Variants in GABRP observed in about 807,000 individuals in gnomAD.
The protein encoded by GABRP is gamma-aminobutyric acid receptor subunit pi.
In GABRP, 52 loss-of-function variants were observed where a neutral mutation model predicts 47.8. The ratio of observed to expected loss-of-function variants is 1.09; its 90% CI spans 0.87 to 1.37. GABRP has a LOEUF of 1.37. GABRP is among the 40% of genes most tolerant of loss of function. The probability of loss-of-function intolerance (pLI) is 0.00; values close to 1 mark genes in which losing one functional copy is unlikely to be tolerated. For missense variants in GABRP, 525 were observed against 542.8 expected, an observed-to-expected ratio of 0.97 and a Z score of 0.33; for synonymous variants, 221 against 205.8, an observed-to-expected ratio of 1.07 and a Z score of -0.63.
At position 170,788,652 on chromosome 5, in the gene GABRP, AG is replaced by A; in HGVS notation, c.38del (p.Ser13IlefsTer51). On this transcript the variant is annotated frameshift_variant, in exon 2 of 10. Coordinates refer to ENST00000265294, the MANE Select transcript of GABRP (RefSeq NM_014211.3). LOFTEE classifies it high-confidence loss of function. ...CCTCCACTTGGCCTTCGTGTGTCTG[AG>A]TCTCTTCACTGAGAGGTGAGCTTTG... ...YSLHLAFVCL[S>X]LFTERMCIQG... The A allele has an allele frequency of 6.2e-7, 1 of 1,614,012 alleles. No individual in the cohort carries two copies. The highest frequency in any genetic ancestry group is 8.5e-7 in the Non-Finnish European group (1 of 1,179,984).
At chr5:170,805,662 C>G (rs1041176500) in intron 6 of GABRP, 54 bp from the exon 7 acceptor site, 14 of 1,599,446 alleles carry the variant, frequency 8.8e-6, no homozygotes, top group Non-Finnish European at 1.2e-5. Flanking sequence ...CCAGACCAGA[C>G]CAGTTCAATC....
chr5:170,788,612 C>T lies in GABRP; in HGVS notation c.-4C>T. 6.2e-7 allele frequency: 1 copy of T among 1,614,136 alleles called. No individual in the cohort carries two copies. The highest frequency in any genetic ancestry group is 8.5e-7 in the Non-Finnish European group (1 of 1,180,004). ...CAGCCCCTTGGTGTGAGCAGCTTCT[C>T]AACATGAACTACAGCCTCCACTTGG... On this transcript the variant is annotated 5_prime_UTR_variant, in exon 2 of 10. Coordinates refer to ENST00000265294, the MANE Select transcript of GABRP (RefSeq NM_014211.3).
chr5:170,783,564 A>C (rs1445203536), upstream of GABRP: 2 of 151,380 alleles, frequency 1.3e-5, no homozygotes, highest in African/African-American at 4.8e-5. Flanking sequence ...TGGAGGCAGT[A>C]GCTATAGCAG....
At chr5:170,784,018 C>G (rs1395228439) in intron 1 of GABRP, 144 bp downstream of exon 1, 2 of 152,362 alleles carry the variant, frequency 1.3e-5, no homozygotes, top group African/African-American at 2.4e-5. Flanking sequence ...CACTGCAGGA[C>G]GAGCAGCAGA....
rs1487829052 is a variant in GABRP at position 170,795,433 on chromosome 5, G to A, written c.458+8G>A. Reference sequence around the variant, plus strand: ...GGTCCTGTATGCCCTCAGGTACGCGGACACCTGTGACCTCAGGGGTGGAGG... The same window carrying A: ...GGTCCTGTATGCCCTCAGGTACGCGAACACCTGTGACCTCAGGGGTGGAGG... On this transcript the variant is annotated splice_region_variant and intron_variant, in intron 5 of 9. Transcript: ENST00000265294. 6.2e-7 allele frequency: 1 copy of A among 1,610,728 alleles called. No individual in the cohort carries two copies. The highest frequency in any genetic ancestry group is 2.2e-5 in the East Asian group (1 of 44,836).
At chr5:170,810,264 A>G (rs768429957) in intron 9 of GABRP, among the ~76,000 whole-genome samples, 3 of 150,778 alleles carry the variant, frequency 2.0e-5, no homozygotes, top group Non-Finnish European at 4.4e-5. Context: ...ATGGAACACT[A>G]TAGTCCAGCT....
At chr5:170,802,384 G>A (rs994480901) in intron 6 of GABRP, among the ~76,000 whole-genome samples, 1 of 152,110 alleles carries the variant, frequency 6.6e-6, no homozygotes, top group Admixed American at 6.6e-5. Context: ...TCACAAGTGG[G>A]CAACATCTGA....
chr5:170,795,418 G>T lies in GABRP; in HGVS notation c.451G>T (p.Ala151Ser). ...CTTCTCCAATGGCACGGTCCTGTATGCCCTCAGGTACGCGGACACCTGTGA... is the reference window on the plus strand; with the variant it reads ...CTTCTCCAATGGCACGGTCCTGTATTCCCTCAGGTACGCGGACACCTGTGA... ...RLFSNGTVLYALRITTTVACN... is the reference protein window; with the variant it reads ...RLFSNGTVLYSLRITTTVACN... The change falls in exon 5 of 10, where the codon GCC becomes TCC. Residue 151 changes from alanine (A) to serine (S), a missense_variant. Coordinates refer to ENST00000265294, the MANE Select transcript of GABRP (RefSeq NM_014211.3). The T allele has an allele frequency of 6.2e-7, 1 of 1,613,852 alleles. No individual in the cohort carries two copies. The highest frequency in any genetic ancestry group is 1.1e-5 in the South Asian group (1 of 91,068).
At position 170,802,740 on chromosome 5, in the gene GABRP, T is replaced by G. The variant is rs79093370; in HGVS notation, c.542-2976T>G. 2.1e-3 allele frequency among the ~76,000 whole-genome samples: 306 copies of G among 146,152 alleles called. 2 individuals are homozygous for G. The highest frequency in any genetic ancestry group is 0.011 in the South Asian group (45 of 3,992). On this transcript the variant is annotated intron_variant, in intron 6 of 9. Transcript: ENST00000265294. ...TCTGTTTCACATATACCATCCCCAG[T>G]GAGCGGAGGGAGCTTTCTCTGTTCA... is the stretch of plus-strand genomic sequence containing the variant.
chr5:170,801,660 T>C (rs150589198), intron 6 of GABRP, among the ~76,000 whole-genome samples: 1 of 152,320 alleles, frequency 6.6e-6, no homozygotes, highest in East Asian at 1.9e-4. Flanking sequence ...TTGGGTTCCA[T>C]CTGTCTATCC....
intron 5 of GABRP, 144 bp downstream of exon 5, chr5:170,795,569 G>A (rs554262145): frequency 1.5e-6 from 1 of 669,538 alleles, no homozygotes; most frequent in African/African-American, 1.8e-5. Context: ...ATAATAGAAG[G>A]TCCCTCTCTC....
At position 170,795,372 on chromosome 5, in the gene GABRP, G is replaced by T; in HGVS notation, c.405G>T (p.Val135=). The T allele has an allele frequency of 1.2e-6, 2 of 1,614,102 alleles. No individual in the cohort carries two copies. The highest frequency in any genetic ancestry group is 1.7e-6 in the Non-Finnish European group (2 of 1,180,018). The change falls in exon 5 of 10, where the codon GTG becomes GTT. Residue 135 remains valine (V), a synonymous_variant. Transcript: ENST00000265294. ...SKKSFLHEVT[V]GNRLIRLFSN... is the part of the protein sequence containing the mutation. ...AGTCCTTCCTCCATGAAGTCACTGT[G>T]GGAAACAGGCTCATCCGCCTCTTCT...
intron 2 of GABRP, among the ~76,000 whole-genome samples, 200 bp downstream of exon 2, chr5:170,788,868 T>A (rs1186909635): frequency 6.6e-6 from 1 of 152,214 alleles, no homozygotes; most frequent in Non-Finnish European, 1.5e-5. Context: ...CATAGATGAA[T>A]GAACCCTTAT....
intron 3 of GABRP, among the ~76,000 whole-genome samples, chr5:170,792,885 A>G (rs1765313656): frequency 6.6e-6 from 1 of 152,140 alleles, no homozygotes; most frequent in Non-Finnish European, 1.5e-5. Context: ...CAGTCCCCTG[A>G]GGTACCCCCG....
intron 9 of GABRP, 33 bp downstream of exon 9, chr5:170,809,788 T>C (rs1351814779): frequency 6.4e-7 from 1 of 1,556,740 alleles, no homozygotes; most frequent in African/African-American, 1.4e-5. Flanking sequence ...GTATGATCCA[T>C]CACTGGTGCC....
chr5:170,809,461 T>C lies in GABRP; in HGVS notation c.833-107T>C, dbSNP rs1765824291. On this transcript the variant is annotated intron_variant, in intron 8 of 9. Transcript: ENST00000265294. Reference sequence around the variant, plus strand: ...TTCAAAATGAGATGCATTCCATTTCTGGGTCTTGCCCTCACCCTGCCAATT... The same window carrying C: ...TTCAAAATGAGATGCATTCCATTTCCGGGTCTTGCCCTCACCCTGCCAATT... 3.9e-6 allele frequency: 4 copies of C among 1,021,596 alleles called. No individual in the cohort carries two copies. The African/African-American group carries it at 4.8e-5, about 12-fold the overall frequency. 63.3% of individuals were successfully genotyped at this position (1,021,596 alleles called of 1,614,324 possible). A position where few individuals can be genotyped will look rare whatever the true frequency, so the allele number is the denominator to read the frequency against.
chr5:170,809,541 A>G, intron 8 of GABRP, 27 bp from the exon 9 acceptor site: 2 of 1,611,298 alleles, frequency 1.2e-6, no homozygotes, highest in South Asian at 2.2e-5. Context: ...GTCACTTTGT[A>G]GGAACATCCC....
chr5:170,792,450 A>AGAAAG lies in GABRP; in HGVS notation c.173-1781_173-1780insGAAAG, dbSNP rs201726778. On this transcript the variant is annotated intron_variant, in intron 3 of 9. Coordinates refer to ENST00000265294, the MANE Select transcript of GABRP (RefSeq NM_014211.3). ...AGAGGGAGACTCCATCTCAAAAAAA[A>AGAAAG]AAAGAAAGAAAGAAAGACAGAAAAA... is the stretch of plus-strand genomic sequence containing the variant. Among the ~76,000 whole-genome samples the AGAAAG allele has an allele frequency of 5.9e-5, 9 of 151,412 alleles. No individual in the cohort carries two copies. The South Asian group carries it at 1.7e-3, about 28-fold the overall frequency.
In GABRP at chr5:170,797,477, C is replaced by T; in HGVS notation, c.470C>T (p.Thr157Ile). 6.2e-7 allele frequency: 1 copy of T among 1,609,188 alleles called. No homozygotes were observed. Among genetic ancestry groups the T allele is most frequent in the Non-Finnish European group, 8.5e-7 (1 of 1,175,522 alleles). ...TVLYALRITT[T>I]VACNMDLSKY... ...TTTTTCCCTCTTAGAATCACGACAA[C>T]TGTTGCATGTAACATGGATCTGTCT... Residue 157 changes from threonine to isoleucine, a missense_variant, in exon 6 of 10, where the codon ACT becomes ATT. Transcript: ENST00000265294.
Sources: gnomAD v4.1 joint callset for allele counts (sites outside exome capture counted in the v4.1 genomes callset) on GRCh38, gnomAD v4.1.1 for gene constraint, MANE v1.5 for transcripts, NCBI Gene and HGNC (gene_info 2026-07-23, HGNC 2026-07-21) for gene names.